Variants in TENM3 observed in about 807,000 individuals in gnomAD.
The protein encoded by TENM3 is teneurin-3.
In TENM3, 63 loss-of-function variants were observed where a neutral mutation model predicts 255.1. The ratio of observed to expected loss-of-function variants is 0.25; its 90% CI spans 0.20 to 0.30. The LOEUF (loss-of-function observed/expected upper bound fraction) is 0.30, where lower values mean the gene tolerates loss of function less well. Among genes scored for constraint, TENM3 ranks in the 10% least tolerant of loss-of-function variants. TENM3 has a pLI of 1.00. For synonymous variants in TENM3, 1,306 were observed against 1,322.3 expected (o/e 0.99, Z 0.27); for missense variants, 2,929 against 3,461.1 (o/e 0.85, Z 3.86).
rs58518468 is a variant in TENM3 at position 182,277,709 on chromosome 4, C to A, written c.-76+34233C>A. Reference sequence around the variant, plus strand: ...ATAGAGTCCCAGTTCTCTACCATATCCAACTACTGAAGGCAAAACTGCTCT... The same window carrying A: ...ATAGAGTCCCAGTTCTCTACCATATACAACTACTGAAGGCAAAACTGCTCT... On this transcript the variant is annotated intron_variant, in intron 1 of 27. Transcript: ENST00000511685. Among the ~76,000 whole-genome samples, 220 of 152,242 alleles carry A rather than the reference C, an allele frequency of 1.4e-3. 1 individual carries two copies. In the East Asian group the frequency reaches 0.037, roughly 26 times the overall value.
At chr4:182,109,661 A>G in the TENM3 span, among the ~76,000 whole-genome samples, 10 of 152,334 alleles carry the variant, frequency 6.6e-5, no homozygotes, top group East Asian at 1.9e-3. Context: ...TGGTTACATG[A>G]CCGAGTTAAG....
the TENM3 span, among the ~76,000 whole-genome samples, chr4:181,628,590 A>T: frequency 1.3e-5 from 2 of 152,206 alleles, no homozygotes; most frequent in African/African-American, 4.8e-5. Context: ...TTAAATAGGG[A>T]ATCCTTTCCC....
intron 2 of TENM3, among the ~76,000 whole-genome samples, chr4:182,329,577 T>G (rs1325705794): frequency 6.6e-6 from 1 of 152,006 alleles, no homozygotes; most frequent in Non-Finnish European, 1.5e-5. Context: ...GTAAAAGAAA[T>G]AGACTAAGAA....
At chr4:181,483,293 C>A in the TENM3 span, among the ~76,000 whole-genome samples, 1 of 152,090 alleles carries the variant, frequency 6.6e-6, no homozygotes, top group Admixed American at 6.6e-5. Flanking sequence ...TGCTGTGACA[C>A]TTCTCTGGTG....
the TENM3 span, among the ~76,000 whole-genome samples, chr4:181,950,156 C>T: frequency 6.6e-6 from 1 of 152,144 alleles, no homozygotes. Context: ...ATGACATTAC[C>T]TTGTGAAAGC....
At chr4:181,499,311 CTATAA>C in the TENM3 span, among the ~76,000 whole-genome samples, 1 of 152,118 alleles carries the variant, frequency 6.6e-6, no homozygotes, top group African/African-American at 2.4e-5. Flanking sequence ...AAATTTAGAA[CTATAA>C]TATAATAATT....
the TENM3 span, among the ~76,000 whole-genome samples, chr4:181,522,100 C>CAAAAA: frequency 0.017 from 920 of 54,784 alleles, 36 homozygotes; most frequent in Non-Finnish European, 0.02. Flanking sequence ...GACTCCGTCT[C>CAAAAA]AAAAAAAAAA....
chr4:181,557,229 T>A, the TENM3 span, among the ~76,000 whole-genome samples: 1 of 152,304 alleles, frequency 6.6e-6, no homozygotes, highest in East Asian at 1.9e-4. Flanking sequence ...ATCATTATAA[T>A]TGTCTCCACT....
intron 3 of TENM3, among the ~76,000 whole-genome samples, chr4:182,390,266 A>G (rs1768333490): frequency 6.6e-6 from 1 of 152,180 alleles, no homozygotes; most frequent in Non-Finnish European, 1.5e-5. Context: ...CAGTGTTTTA[A>G]AGGAGAGCAG....
intron 3 of TENM3, among the ~76,000 whole-genome samples, chr4:182,409,967 G>A (rs867708167): frequency 6.6e-6 from 1 of 152,086 alleles, no homozygotes; most frequent in Middle Eastern, 3.4e-3. Context: ...GAGACTGGCT[G>A]CAGAGTAGCC....
At chr4:181,582,736 CTG>C in the TENM3 span, among the ~76,000 whole-genome samples, 1 of 149,828 alleles carries the variant, frequency 6.7e-6, no homozygotes, top group African/African-American at 2.5e-5. Context: ...GAGAAAGAAA[CTG>C]AGAATAGCAG....
chr4:182,276,393 CT>C (rs1341989637), intron 1 of TENM3, among the ~76,000 whole-genome samples: 1 of 152,118 alleles, frequency 6.6e-6, no homozygotes, highest in African/African-American at 2.4e-5. Context: ...CTCTTTAGGC[CT>C]TTCATTCTTC....
chr4:181,552,067 A>T, the TENM3 span, among the ~76,000 whole-genome samples: 1 of 152,024 alleles, frequency 6.6e-6, no homozygotes, highest in African/African-American at 2.4e-5. Flanking sequence ...TGTGTGTGTG[A>T]ATGTGTTTAA....
At chr4:182,604,328 A>G (rs955309359) in intron 4 of TENM3, among the ~76,000 whole-genome samples, 31 of 152,280 alleles carry the variant, frequency 2.0e-4, no homozygotes, top group African/African-American at 7.5e-4. Flanking sequence ...TTATGTCATC[A>G]TTTCCTATTA....
intron 3 of TENM3, among the ~76,000 whole-genome samples, chr4:182,416,050 C>T (rs866244869): frequency 1.2e-4 from 19 of 152,150 alleles, no homozygotes; most frequent in Admixed American, 9.2e-4. Flanking sequence ...CACTAGAAAG[C>T]ACCTGGAGCC....
At chr4:182,500,347 A>G (rs75821758) in intron 3 of TENM3, among the ~76,000 whole-genome samples, 8,982 of 152,256 alleles carry the variant, frequency 0.059, 378 homozygotes, top group Non-Finnish European at 0.092. Flanking sequence ...AAAAAGGGAC[A>G]ATAGAAAAAT....
At chr4:182,158,828 T>C (rs1348684042) in intron 1 of TENM3, among the ~76,000 whole-genome samples, 1 of 152,224 alleles carries the variant, frequency 6.6e-6, no homozygotes, top group Non-Finnish European at 1.5e-5. Flanking sequence ...AGCATTTGAA[T>C]GTTGCCTGAA....
chr4:181,531,291 A>G, the TENM3 span, among the ~76,000 whole-genome samples: 3 of 152,210 alleles, frequency 2.0e-5, no homozygotes, highest in Non-Finnish European at 4.4e-5. Flanking sequence ...ATAAATACAT[A>G]AAAGTTGAGT....
chr4:182,585,431 G>A (rs549044200), intron 3 of TENM3, among the ~76,000 whole-genome samples: 43 of 152,226 alleles, frequency 2.8e-4, no homozygotes, highest in Non-Finnish European at 5.1e-4. Flanking sequence ...AAGGTTAAAC[G>A]AGGTCATCAG....
Sources: allele counts gnomAD v4.1 joint callset (sites outside exome capture counted in the v4.1 genomes callset), GRCh38; gene constraint gnomAD v4.1.1; transcripts MANE v1.5; gene names NCBI Gene and HGNC (gene_info 2026-07-23, HGNC 2026-07-21).